SCFD2: variants seen among roughly 807,000 people sequenced by gnomAD.
SCFD2 encodes sec1 family domain containing 2.
In SCFD2, 54 loss-of-function variants were observed where a neutral mutation model predicts 58.9. The ratio of observed to expected loss-of-function variants is 0.92; its 90% CI spans 0.74 to 1.15. The LOEUF is 1.15. Ranked by LOEUF, SCFD2 falls within the 50% of genes most tolerant of loss-of-function variation. SCFD2 has a pLI of 0.00. For synonymous variants in SCFD2, 321 were observed against 335.9 expected, an observed-to-expected ratio of 0.96 and a Z score of 0.49; for missense variants, 805 against 836.6, an observed-to-expected ratio of 0.96 and a Z score of 0.47.
At chr4:53,301,397 C>A (rs866168983) in intron 3 of SCFD2, among the ~76,000 whole-genome samples, 1 of 151,992 alleles carries the variant, frequency 6.6e-6, no homozygotes, top group Middle Eastern at 3.4e-3. Context: ...AAGACTAAAC[C>A]AGGAAGAGGT....
At chr4:53,345,139 A>T (rs1446887486) in intron 2 of SCFD2, among the ~76,000 whole-genome samples, 2 of 152,230 alleles carry the variant, frequency 1.3e-5, no homozygotes, top group Non-Finnish European at 2.9e-5. Context: ...CAGCAAAAGA[A>T]ACTACCACAA....
At chr4:53,039,341 G>A (rs1221191099) in intron 5 of SCFD2, among the ~76,000 whole-genome samples, 1 of 151,874 alleles carries the variant, frequency 6.6e-6, no homozygotes, top group Non-Finnish European at 1.5e-5. Context: ...CAATTATCAG[G>A]TCTATCAGAA....
chr4:53,272,259 T>A (rs1223647434), intron 4 of SCFD2, among the ~76,000 whole-genome samples: 1 of 151,256 alleles, frequency 6.6e-6, no homozygotes, highest in Non-Finnish European at 1.5e-5. Context: ...GTTGGCACTG[T>A]AAACTAGTGC....
At chr4:52,901,478 A>T (rs1719197978) in intron 7 of SCFD2, among the ~76,000 whole-genome samples, 1 of 152,188 alleles carries the variant, frequency 6.6e-6, no homozygotes, top group South Asian at 2.1e-4. Context: ...GGCCCTTGGA[A>T]TGCAGCTGCC....
chr4:53,352,604 T>C lies in SCFD2; in HGVS notation c.1001A>G (p.Gln334Arg). 2 of 1,612,156 alleles carry C rather than the reference T, an allele frequency of 1.2e-6. No individual in the cohort carries two copies. Among genetic ancestry groups the C allele is most frequent in the Non-Finnish European group, 1.7e-6 (2 of 1,178,492 alleles). The change falls in exon 2 of 9, where the codon CAA (glutamine) becomes CGA (arginine). Residue 334 changes from glutamine (Q) to arginine (R), a missense_variant. Around this residue, in one of 3 missense-constraint regions of SCFD2, gnomAD observed 633 missense variants for 646.8 expected, o/e 0.98. Transcript: ENST00000401642. ...CAAAAACTATATATCTTACCTGGATTGTGAAAGACAGCCTGGTGCAACCAC... is the reference window on the plus strand; with the variant it reads ...CAAAAACTATATATCTTACCTGGATCGTGAAAGACAGCCTGGTGCAACCAC... The part of the protein sequence containing the change: ...YNVVAPGCLS[Q>R]SSDTTAKALW...
chr4:53,364,174 A>G (rs1734631538), intron 1 of SCFD2, among the ~76,000 whole-genome samples: 1 of 152,206 alleles, frequency 6.6e-6, no homozygotes, highest in African/African-American at 2.4e-5. Flanking sequence ...ACATCTCAGT[A>G]TTACCATTTA....
At chr4:53,304,067 C>T (rs554351093) in intron 3 of SCFD2, among the ~76,000 whole-genome samples, 422 of 150,512 alleles carry the variant, frequency 2.8e-3, no homozygotes, top group Non-Finnish European at 4.3e-3. Context: ...CAAACCTGCA[C>T]GTTGTGCACA....
intron 5 of SCFD2, among the ~76,000 whole-genome samples, chr4:53,077,488 A>G (rs1298545256): frequency 1.3e-5 from 2 of 152,060 alleles, no homozygotes; most frequent in Non-Finnish European, 2.9e-5. Flanking sequence ...CCCAAGCTGG[A>G]GTGCAGTGGC....
chr4:52,960,040 T>A (rs1720809035), intron 5 of SCFD2, among the ~76,000 whole-genome samples: 1 of 152,068 alleles, frequency 6.6e-6, no homozygotes, highest in African/African-American at 2.4e-5. Flanking sequence ...TTGTCCACGG[T>A]CTTAATTTTT....
chr4:53,066,699 C>G (rs1311249436), intron 5 of SCFD2, among the ~76,000 whole-genome samples: 2 of 151,934 alleles, frequency 1.3e-5, no homozygotes, highest in Non-Finnish European at 2.9e-5. Context: ...GCCTAGAAAA[C>G]CTTTCACTTT....
intron 4 of SCFD2, among the ~76,000 whole-genome samples, chr4:53,255,601 C>T (rs1730583340): frequency 6.6e-6 from 1 of 152,184 alleles, no homozygotes; most frequent in South Asian, 2.1e-4. Context: ...AAAAGTCTCC[C>T]ATGTCTACTT....
intron 5 of SCFD2, among the ~76,000 whole-genome samples, chr4:53,130,112 A>G (rs1210774688): frequency 6.6e-6 from 1 of 152,230 alleles, no homozygotes; most frequent in African/African-American, 2.4e-5. Flanking sequence ...ATTTTTAAAA[A>G]TAACTATAAC....
intron 4 of SCFD2, among the ~76,000 whole-genome samples, chr4:53,251,725 G>A (rs1026024253): frequency 3.3e-5 from 5 of 151,876 alleles, no homozygotes; most frequent in African/African-American, 1.2e-4. Flanking sequence ...GTATTGATGG[G>A]ACGTATCTCA....
chr4:53,364,488 T>C (rs1230069381), intron 1 of SCFD2, among the ~76,000 whole-genome samples: 1 of 152,250 alleles, frequency 6.6e-6, no homozygotes, highest in Non-Finnish European at 1.5e-5. Flanking sequence ...GTGTAAATAA[T>C]ACATTATTAC....
At chr4:52,972,025 A>T (rs915080369) in intron 5 of SCFD2, among the ~76,000 whole-genome samples, 2 of 152,328 alleles carry the variant, frequency 1.3e-5, no homozygotes, top group East Asian at 3.9e-4. Flanking sequence ...AGCACTGAAC[A>T]TGGAAAGGAA....
At chr4:53,345,734 T>C (rs1185150057) in intron 2 of SCFD2, among the ~76,000 whole-genome samples, 6 of 152,194 alleles carry the variant, frequency 3.9e-5, no homozygotes, top group African/African-American at 1.4e-4. Context: ...TAAGAAAATG[T>C]GGCACATATA....
At chr4:53,280,543 T>G (rs1218886178) in intron 3 of SCFD2, among the ~76,000 whole-genome samples, 1 of 152,012 alleles carries the variant, frequency 6.6e-6, no homozygotes, top group African/African-American at 2.4e-5. Flanking sequence ...GAAAGCAATT[T>G]TGTCTAGAAT....
Position 52,979,985 on chromosome 4 carries a change from G to A in SCFD2, c.1562-59115C>T, listed in dbSNP as rs1446144660. Among the ~76,000 whole-genome samples the A allele has an allele frequency of 2.0e-5, 3 of 152,230 alleles. No individual in the cohort carries two copies. In the East Asian group the frequency reaches 5.8e-4, roughly 29 times the overall value. ...TACCTCTTGTCTTGTTCTGCTCAGA[G>A]CCATTGCACAGCACAGGTCCAAGGG... On this transcript the variant is annotated intron_variant, in intron 5 of 8. Transcript: ENST00000401642.
chr4:53,319,536 T>G (rs1732962141), intron 2 of SCFD2, among the ~76,000 whole-genome samples: 1 of 113,690 alleles, frequency 8.8e-6, no homozygotes, highest in Non-Finnish European at 1.9e-5. Flanking sequence ...CTCTACTTTT[T>G]TTCTTTTTTT....
Sources: gnomAD v4.1 joint callset for allele counts (sites outside exome capture counted in the v4.1 genomes callset) on GRCh38, gnomAD v4.1.1 for gene constraint, gnomAD v4.1.1 regional missense constraint, MANE v1.5 for transcripts, NCBI Gene and HGNC (gene_info 2026-07-23, HGNC 2026-07-21) for gene names.